The following TMPRSS11A variants were observed in gnomAD, a reference collection of about 807,000 sequenced individuals.
TMPRSS11A encodes the protein transmembrane protease serine 11A.
Under a neutral mutation model 58.9 loss-of-function variants are expected in TMPRSS11A, and 53 were observed. The ratio of observed to expected loss-of-function variants is 0.90; its 90% CI spans 0.72 to 1.13. The LOEUF (loss-of-function observed/expected upper bound fraction) is 1.13, where lower values mean the gene tolerates loss of function less well. TMPRSS11A is among the 50% of genes most tolerant of loss of function. TMPRSS11A has a pLI of 0.00. For synonymous variants in TMPRSS11A, 167 were observed against 169.8 expected (o/e 0.98, Z 0.13); for missense variants, 493 against 499.3 (o/e 0.99, Z 0.12).
chr4:67,927,976 G>A (rs377544109), intron 5 of TMPRSS11A, among the ~76,000 whole-genome samples: 1 of 152,126 alleles, frequency 6.6e-6, no homozygotes, highest in African/African-American at 2.4e-5. Context: ...GAAGACAAAG[G>A]CATGAGCCAA....
chr4:67,922,921 C>T lies in TMPRSS11A; in HGVS notation c.526G>A (p.Gly176Ser). The T allele has an allele frequency of 9.9e-6, 16 of 1,613,388 alleles. No individual in the cohort carries two copies. Among genetic ancestry groups the T allele is most frequent in the Non-Finnish European group, 1.3e-5 (15 of 1,179,696 alleles). ...ACGTTTAATGGAACAACTCGTTTAC[C>T]ACAACCTGAAAAAAGATGAGATCAT... ...TGELTVQASCGKRVVPLNVNR... is the reference protein window; with the variant it reads ...TGELTVQASCSKRVVPLNVNR... Residue 176 changes from glycine (G) to serine (S), a missense_variant, in exon 7 of 10, where the codon GGT (glycine) becomes AGT (serine). By Grantham distance (56) the Gly-to-Ser change is moderately conservative (BLOSUM62 0). Coordinates refer to ENST00000508048, the MANE Select transcript of TMPRSS11A (RefSeq NM_001114387.2).
intron 1 of TMPRSS11A, among the ~76,000 whole-genome samples, chr4:67,955,294 G>A (rs1302626345): frequency 6.6e-6 from 1 of 152,282 alleles, no homozygotes; most frequent in East Asian, 1.9e-4. Flanking sequence ...ATTATAAAAT[G>A]TTCTACTTTT....
chr4:67,925,038 G>T (rs1365977935), intron 5 of TMPRSS11A, among the ~76,000 whole-genome samples: 3 of 145,686 alleles, frequency 2.1e-5, no homozygotes, highest in Non-Finnish European at 4.5e-5. Flanking sequence ...TTGCATAAAT[G>T]ATATTTAAAA....
chr4:67,958,240 C>A (rs1721336969), intron 1 of TMPRSS11A, among the ~76,000 whole-genome samples: 1 of 152,176 alleles, frequency 6.6e-6, no homozygotes, highest in South Asian at 2.1e-4. Context: ...GTCCTCCAGA[C>A]CCCAGAATGG....
intron 6 of TMPRSS11A, among the ~76,000 whole-genome samples, chr4:67,923,455 G>C (rs992219941): frequency 6.6e-6 from 1 of 152,222 alleles, no homozygotes; most frequent in African/African-American, 2.4e-5. Flanking sequence ...ACAGTGATTT[G>C]AAGTGATTTA....
intron 5 of TMPRSS11A, among the ~76,000 whole-genome samples, chr4:67,927,521 C>G (rs1434467023): frequency 1.3e-5 from 2 of 152,382 alleles, no homozygotes; most frequent in Non-Finnish European, 1.5e-5. Flanking sequence ...CTCGCTCAGA[C>G]AACCCTCACA....
chr4:67,942,060 AT>A lies in TMPRSS11A; in HGVS notation c.252+2458del, dbSNP rs1473649162. On this transcript the variant is annotated intron_variant, in intron 3 of 9. Transcript: ENST00000508048. ...GCAAGTTTAACAGAAAAATAGGCAAATAATATGTACAGGCAATTTATAGAAA... is the reference window on the plus strand; with the variant it reads ...GCAAGTTTAACAGAAAAATAGGCAAAAATATGTACAGGCAATTTATAGAAA... Among the ~76,000 whole-genome samples, 3 of 152,338 alleles carry A rather than the reference AT, an allele frequency of 2.0e-5. No individual in the cohort carries two copies. The East Asian group carries it at 5.8e-4, about 29-fold the overall frequency.
At chr4:67,920,467 C>T (rs1720289306) in intron 7 of TMPRSS11A, among the ~76,000 whole-genome samples, 1 of 147,952 alleles carries the variant, frequency 6.8e-6, no homozygotes. Flanking sequence ...CTCGAATGTT[C>T]AGAGAATAAG....
At chr4:67,913,051 C>T (rs1720028282) in intron 9 of TMPRSS11A, among the ~76,000 whole-genome samples, 1 of 152,068 alleles carries the variant, frequency 6.6e-6, no homozygotes, top group South Asian at 2.1e-4. Flanking sequence ...TCCAATCCTT[C>T]CACTGGATTT....
At chr4:67,927,460 C>T (rs532866359) in intron 5 of TMPRSS11A, among the ~76,000 whole-genome samples, 1 of 152,228 alleles carries the variant, frequency 6.6e-6, no homozygotes, top group Non-Finnish European at 1.5e-5. Context: ...TGGAGCTGCC[C>T]GTCATGCTGC....
intron 3 of TMPRSS11A, among the ~76,000 whole-genome samples, chr4:67,935,284 A>G (rs111787113): frequency 0.011 from 1,655 of 152,212 alleles, 28 homozygotes; most frequent in African/African-American, 0.037. Flanking sequence ...ACTTTCAGGC[A>G]TGGCCCTCAT....
At chr4:67,942,330 T>C (rs921204799) in intron 3 of TMPRSS11A, among the ~76,000 whole-genome samples, 3 of 152,266 alleles carry the variant, frequency 2.0e-5, no homozygotes, top group East Asian at 3.9e-4. Context: ...AGTTAGGTCA[T>C]GAGGGTGGAG....
At chr4:67,927,881 T>C (rs1720514370) in intron 5 of TMPRSS11A, among the ~76,000 whole-genome samples, 2 of 152,214 alleles carry the variant, frequency 1.3e-5, no homozygotes, top group Non-Finnish European at 2.9e-5. Flanking sequence ...ACATTGTGTT[T>C]TCTATTTCCT....
chr4:67,947,174 T>C (rs1443983509), intron 1 of TMPRSS11A, among the ~76,000 whole-genome samples: 3 of 152,142 alleles, frequency 2.0e-5, no homozygotes. Context: ...TTATAGACAA[T>C]TAGGATATAT....
At chr4:67,940,295 C>T (rs950660554) in intron 3 of TMPRSS11A, among the ~76,000 whole-genome samples, 10 of 152,078 alleles carry the variant, frequency 6.6e-5, no homozygotes, top group African/African-American at 2.4e-4. Context: ...GGAATAGTTT[C>T]ACTAGAATTG....
chr4:67,918,784 A>T (rs1441289067), intron 8 of TMPRSS11A, among the ~76,000 whole-genome samples, 189 bp downstream of exon 8: 1 of 152,152 alleles, frequency 6.6e-6, no homozygotes, highest in Non-Finnish European at 1.5e-5. Context: ...AAATTTGTGG[A>T]AGTTTTTGTT....
intron 3 of TMPRSS11A, among the ~76,000 whole-genome samples, chr4:67,943,194 C>G (rs961845879): frequency 1.3e-5 from 2 of 152,124 alleles, no homozygotes; most frequent in African/African-American, 4.8e-5. Flanking sequence ...ACTTAAAACT[C>G]CACTTTTAAA....
chr4:67,912,143 G>T lies in TMPRSS11A; in HGVS notation c.1096-640C>A, dbSNP rs146814916. Among the ~76,000 whole-genome samples, 64 of 152,008 alleles carry T rather than the reference G, an allele frequency of 4.2e-4. 1 individual carries two copies. The East Asian group carries it at 0.011, about 27-fold the overall frequency. On this transcript the variant is annotated intron_variant, in intron 9 of 9. Transcript: ENST00000508048. ...ATAACACAACTCTTTTTTTCATGTG[G>T]ATAGTTTTCTATGTACCTGGTAAAT...
At chr4:67,938,738 T>C (rs761900035) in intron 3 of TMPRSS11A, among the ~76,000 whole-genome samples, 12 of 152,208 alleles carry the variant, frequency 7.9e-5, no homozygotes, top group Non-Finnish European at 1.5e-4. Flanking sequence ...GCTTTATTTC[T>C]GGGTTCTCTA....
Sources: gnomAD v4.1 joint callset for allele counts (sites outside exome capture counted in the v4.1 genomes callset) on GRCh38, gnomAD v4.1.1 for gene constraint, MANE v1.5 for transcripts, NCBI Gene and HGNC (gene_info 2026-07-23, HGNC 2026-07-21) for gene names.